Variants in C1orf21 observed in about 807,000 individuals in gnomAD.
C1orf21 encodes chromosome 1 open reading frame 21.
In C1orf21, 3 loss-of-function variants were observed where a neutral mutation model predicts 18.7. The ratio of observed to expected loss-of-function variants is 0.16; its 90% CI spans 0.07 to 0.42. C1orf21 has a LOEUF of 0.42. Among genes scored for constraint, C1orf21 ranks in the 10% least tolerant of loss-of-function variants. The pLI is 0.99. For synonymous variants in C1orf21, 41 were observed against 46.4 expected (o/e 0.88, Z 0.47); for missense variants, 104 against 143.6 (o/e 0.72, Z 1.41).
chr1:184,492,726 T>C (rs955938850), intron 2 of C1orf21, among the ~76,000 whole-genome samples: 11 of 152,200 alleles, frequency 7.2e-5, no homozygotes, highest in African/African-American at 2.7e-4. Flanking sequence ...GATGCTTAAA[T>C]TGGTGCTGTG....
chr1:184,494,829 A>G (rs1657865815), intron 2 of C1orf21, among the ~76,000 whole-genome samples: 1 of 150,560 alleles, frequency 6.6e-6, no homozygotes, highest in Non-Finnish European at 1.5e-5. Flanking sequence ...TTCTACATTA[A>G]TGTTTTTTGC....
At chr1:184,443,145 C>T (rs941177972) in intron 1 of C1orf21, among the ~76,000 whole-genome samples, 4 of 152,128 alleles carry the variant, frequency 2.6e-5, no homozygotes, top group South Asian at 2.1e-4. Context: ...CAGGCTCTTC[C>T]CTGTGGTTTA....
chr1:184,559,549 T>TCCTTCCTG (rs1658929222), intron 3 of C1orf21, among the ~76,000 whole-genome samples: 1 of 124,746 alleles, frequency 8.0e-6, no homozygotes, highest in Non-Finnish European at 1.6e-5. Flanking sequence ...CTTCCTTCCT[T>TCCTTCCTG]CCTTCCTCTC....
chr1:184,617,649 G>A (rs1659849085), intron 5 of C1orf21, among the ~76,000 whole-genome samples: 1 of 152,156 alleles, frequency 6.6e-6, no homozygotes, highest in South Asian at 2.1e-4. Flanking sequence ...AGGAAGACTG[G>A]TTACCCAGCT....
rs1279862380 is a variant in C1orf21 at position 184,410,634 on chromosome 1, TATATATATATATATATATATATATATA to T, written c.-125+23267_-125+23293del. ...CATATATATTATATATATATATATATATATATATATATATATATATATATATATATTTTTTTTTTTTTTTTTTGAGAT... is the reference window on the plus strand; with the variant it reads ...CATATATATTATATATATATATATATTATTTTTTTTTTTTTTTTTTGAGAT... On this transcript the variant is annotated intron_variant, in intron 1 of 5. Coordinates refer to ENST00000235307, the MANE Select transcript of C1orf21 (RefSeq NM_030806.4). Among the ~76,000 whole-genome samples the T allele has an allele frequency of 4.9e-3, 17 of 3,440 alleles. 2 individuals are homozygous for T. Among genetic ancestry groups the T allele is most frequent in the East Asian group, 0.038 (4 of 106 alleles). The allele number at this position is 3,440 out of a possible 152,430, so 2.3% of individuals were successfully genotyped here. A position where few individuals can be genotyped will look rare whatever the true frequency, so the allele number is the denominator to read the frequency against.
intron 1 of C1orf21, among the ~76,000 whole-genome samples, chr1:184,401,790 A>AC (rs1286763146): frequency 2.0e-5 from 3 of 151,322 alleles, no homozygotes; most frequent in African/African-American, 7.3e-5. Flanking sequence ...AAAAAAAAAA[A>AC]CCCAGGTGAA....
At chr1:184,440,507 C>G (rs1337669799) in intron 1 of C1orf21, among the ~76,000 whole-genome samples, 1 of 151,750 alleles carries the variant, frequency 6.6e-6, no homozygotes, top group African/African-American at 2.4e-5. Context: ...CTGCCTCAGC[C>G]TCCCAAAGTG....
intron 1 of C1orf21, among the ~76,000 whole-genome samples, chr1:184,410,935 A>G (rs1656341897): frequency 6.6e-6 from 1 of 151,436 alleles, no homozygotes; most frequent in Non-Finnish European, 1.5e-5. Context: ...TACAGGGGTG[A>G]GCCACCGCGC....
intron 3 of C1orf21, among the ~76,000 whole-genome samples, chr1:184,549,966 G>GCACAATATT (rs1658789708): frequency 6.6e-6 from 1 of 152,106 alleles, no homozygotes; most frequent in African/African-American, 2.4e-5. Flanking sequence ...TTCACATTCA[G>GCACAATATT]CACAATATTC....
intron 4 of C1orf21, among the ~76,000 whole-genome samples, chr1:184,595,996 C>T (rs929502900): frequency 6.6e-6 from 1 of 152,130 alleles, no homozygotes; most frequent in African/African-American, 2.4e-5. Context: ...GGTTGCTTTC[C>T]TACATAAGCA....
intron 3 of C1orf21, chr1:184,566,691 C>T: frequency 2.6e-6 from 1 of 378,966 alleles, no homozygotes; most frequent in South Asian, 2.4e-5. Context: ...CAAGAAGTGT[C>T]AAAAAGGACA....
intron 2 of C1orf21, among the ~76,000 whole-genome samples, chr1:184,485,386 T>A (rs1657718384): frequency 6.6e-6 from 1 of 152,236 alleles, no homozygotes; most frequent in South Asian, 2.1e-4. Flanking sequence ...GAATTTCACC[T>A]GCTGCTTTTT....
chr1:184,477,356 C>G (rs1035069943), intron 1 of C1orf21, 30 bp from the exon 2 acceptor site: 4 of 611,466 alleles, frequency 6.5e-6, no homozygotes, highest in Non-Finnish European at 8.6e-6. Flanking sequence ...CAGTCACTGC[C>G]CATTCTAATC....
intron 5 of C1orf21, among the ~76,000 whole-genome samples, chr1:184,611,574 A>G (rs142672186): frequency 1.0e-3 from 156 of 152,356 alleles, no homozygotes; most frequent in African/African-American, 3.5e-3. Flanking sequence ...GAGCTGAAAC[A>G]TACAGATTCT....
intron 5 of C1orf21, among the ~76,000 whole-genome samples, chr1:184,614,393 T>A (rs1226729023): frequency 6.6e-6 from 1 of 152,186 alleles, no homozygotes; most frequent in Admixed American, 6.5e-5. Context: ...TTCACACTGA[T>A]TGTTACATGT....
intron 3 of C1orf21, among the ~76,000 whole-genome samples, chr1:184,511,234 A>G (rs1215680673): frequency 6.6e-6 from 1 of 152,198 alleles, no homozygotes; most frequent in Non-Finnish European, 1.5e-5. Flanking sequence ...ACCATGGATC[A>G]TACAACAATG....
chr1:184,583,610 G>A (rs1046767072), intron 3 of C1orf21, among the ~76,000 whole-genome samples: 6 of 152,214 alleles, frequency 3.9e-5, no homozygotes, highest in Non-Finnish European at 1.5e-5. Flanking sequence ...GGATCTTTCT[G>A]CTGAAATAGA....
At chr1:184,539,870 C>A (rs1433732677) in intron 3 of C1orf21, 1 of 152,232 alleles carries the variant, frequency 6.6e-6, no homozygotes, top group Non-Finnish European at 1.5e-5. Flanking sequence ...AATCTCCATT[C>A]TGCCTACCAT....
At chr1:184,423,431 T>C (rs1433176169) in intron 1 of C1orf21, among the ~76,000 whole-genome samples, 1 of 152,204 alleles carries the variant, frequency 6.6e-6, no homozygotes, top group Admixed American at 6.5e-5. Flanking sequence ...GAATGAAGCC[T>C]TCAAATACTG....
Sources: gnomAD v4.1 joint callset for allele counts (sites outside exome capture counted in the v4.1 genomes callset) on GRCh38, gnomAD v4.1.1 for gene constraint, MANE v1.5 for transcripts, NCBI Gene and HGNC (gene_info 2026-07-23, HGNC 2026-07-21) for gene names.